Variants in USP47 observed in about 807,000 individuals in gnomAD.
USP47 encodes the protein ubiquitin carboxyl-terminal hydrolase 47.
In USP47, 35 loss-of-function variants were observed where a neutral mutation model predicts 165.1. That is an observed-to-expected ratio of 0.21 (90% CI 0.16 to 0.28). The LOEUF (loss-of-function observed/expected upper bound fraction) is 0.28, where lower values mean the gene tolerates loss of function less well. USP47 is among the 10% of genes least tolerant of loss of function. USP47 has a pLI of 1.00. For synonymous variants in USP47, 531 were observed against 544.5 expected (o/e 0.98, Z 0.35); for missense variants, 1,277 against 1,607.4 (o/e 0.79, Z 3.52).
chr11:11,925,400 G>T lies in USP47; in HGVS notation c.1386+2509G>T, dbSNP rs192122694. On this transcript the variant is annotated intron_variant, in intron 11 of 27. Coordinates refer to ENST00000527733, the MANE Select transcript of USP47 (RefSeq NM_001282659.2). Reference sequence around the variant, plus strand: ...TTACAGGCGTGAGCCACCGCACCCGGCCTCCTTAATGTTTTATGGTTTTTC... The same window carrying T: ...TTACAGGCGTGAGCCACCGCACCCGTCCTCCTTAATGTTTTATGGTTTTTC... Among the ~76,000 whole-genome samples the T allele has an allele frequency of 1.8e-4, 28 of 152,172 alleles. No individual in the cohort carries two copies. The East Asian group carries it at 5.0e-3, about 27-fold the overall frequency.
At chr11:11,923,275 CTA>C (rs1853995380) in intron 11 of USP47, among the ~76,000 whole-genome samples, 1 of 151,350 alleles carries the variant, frequency 6.6e-6, no homozygotes, top group African/African-American at 2.4e-5. Flanking sequence ...CTGAGTTTTC[CTA>C]TATAGAAAAG....
intron 17 of USP47, among the ~76,000 whole-genome samples, chr11:11,936,748 G>A (rs533930213): frequency 1.9e-4 from 29 of 151,838 alleles, no homozygotes; most frequent in African/African-American, 4.4e-4. Flanking sequence ...TCTAGCTTAC[G>A]GTCTTCAGTG....
At chr11:11,869,729 G>C (rs1311247215) in intron 1 of USP47, among the ~76,000 whole-genome samples, 1 of 152,152 alleles carries the variant, frequency 6.6e-6, no homozygotes, top group Non-Finnish European at 1.5e-5. Context: ...TTTCTATTAT[G>C]ATAGTATTAA....
At chr11:11,917,485 T>C (rs976985384) in intron 8 of USP47, among the ~76,000 whole-genome samples, 2 of 152,116 alleles carry the variant, frequency 1.3e-5, no homozygotes, top group African/African-American at 4.8e-5. Context: ...CAGAGTAGTA[T>C]GTAATGTTAC....
chr11:11,940,704 G>A (rs1205097835), intron 19 of USP47, among the ~76,000 whole-genome samples, 156 bp downstream of exon 19: 2 of 151,910 alleles, frequency 1.3e-5, no homozygotes, highest in Admixed American at 1.3e-4. Context: ...TTGTAGTCAG[G>A]TCAGGTCAGG....
At chr11:11,937,744 T>G (rs1227113385) in intron 17 of USP47, among the ~76,000 whole-genome samples, 1 of 151,846 alleles carries the variant, frequency 6.6e-6, no homozygotes, top group Non-Finnish European at 1.5e-5. Flanking sequence ...TTTGTCAAAT[T>G]TAGATTAACA....
intron 2 of USP47, among the ~76,000 whole-genome samples, chr11:11,881,443 G>A (rs1297151613): frequency 6.6e-6 from 1 of 152,088 alleles, no homozygotes; most frequent in Non-Finnish European, 1.5e-5. Context: ...CTCACTTTTA[G>A]CTGTTTCCTG....
intron 8 of USP47, among the ~76,000 whole-genome samples, chr11:11,919,685 T>A (rs886134707): frequency 1.3e-5 from 2 of 151,956 alleles, no homozygotes; most frequent in Admixed American, 1.3e-4. Context: ...ATCCTAACTA[T>A]GGCGATTAAG....
At chr11:11,845,459 T>C (rs1173469362) in intron 1 of USP47, among the ~76,000 whole-genome samples, 4 of 152,176 alleles carry the variant, frequency 2.6e-5, no homozygotes, top group Non-Finnish European at 4.4e-5. Flanking sequence ...TATATAGGAA[T>C]AGAATTCATT....
intron 1 of USP47, among the ~76,000 whole-genome samples, chr11:11,866,679 A>C (rs1382979810): frequency 6.6e-6 from 1 of 152,074 alleles, no homozygotes; most frequent in Admixed American, 6.5e-5. Flanking sequence ...ATGATAATCT[A>C]TTGGTGACAG....
chr11:11,925,431 A>G (rs948710006), intron 11 of USP47, among the ~76,000 whole-genome samples: 5 of 152,080 alleles, frequency 3.3e-5, no homozygotes, highest in Non-Finnish European at 5.9e-5. Flanking sequence ...TTTTCACTGT[A>G]TGAGTCTTCT....
chr11:11,843,644 T>G (rs200271160), intron 1 of USP47, among the ~76,000 whole-genome samples: 1 of 152,342 alleles, frequency 6.6e-6, no homozygotes, highest in East Asian at 1.9e-4. Context: ...AAAAACAAAA[T>G]TCTTTCTTAA....
At chr11:11,932,093 A>G (rs527786000) in intron 14 of USP47, among the ~76,000 whole-genome samples, 2 of 152,278 alleles carry the variant, frequency 1.3e-5, no homozygotes, top group East Asian at 3.9e-4. Flanking sequence ...CCAGCTTCTG[A>G]TGAAGCCTCA....
intron 1 of USP47, among the ~76,000 whole-genome samples, chr11:11,859,879 G>A (rs1849275345): frequency 1.3e-5 from 2 of 151,970 alleles, no homozygotes; most frequent in Admixed American, 1.3e-4. Flanking sequence ...CGAGGCAGGC[G>A]AATCATTTGA....
rs71037046 is a variant in USP47 at position 11,871,501 on chromosome 11, C to CAAAAAAAAAA, written c.40-8648_40-8639dup. Among the ~76,000 whole-genome samples, 69 of 63,156 alleles carry CAAAAAAAAAA rather than the reference C, an allele frequency of 1.1e-3. 6 individuals carry two copies. The highest frequency in any genetic ancestry group is 1.7e-3 in the Non-Finnish European group (52 of 29,782). 41.4% of individuals were successfully genotyped at this position (63,156 alleles called of 152,430 possible). On this transcript the variant is annotated intron_variant, in intron 1 of 27. Coordinates refer to ENST00000527733, the MANE Select transcript of USP47 (RefSeq NM_001282659.2). ...CTGGCAACAGAGCGAAACTCCCTCT[C>CAAAAAAAAAA]AAAAAAAAAAAAAAAAAAAAAAAAA...
At chr11:11,928,937 T>A (rs1481596926) in intron 11 of USP47, among the ~76,000 whole-genome samples, 1 of 152,046 alleles carries the variant, frequency 6.6e-6, no homozygotes, top group Non-Finnish European at 1.5e-5. Context: ...GGATTCATTC[T>A]TAATATGAGA....
chr11:11,933,015 G>A lies in USP47; in HGVS notation c.1663G>A (p.Val555Met). The A allele has an allele frequency of 6.2e-7, 1 of 1,612,166 alleles. No individual in the cohort carries two copies. Among genetic ancestry groups the A allele is most frequent in the Non-Finnish European group, 8.5e-7 (1 of 1,179,108 alleles). Reference protein sequence around the residue: ...DPARNAKFLEVDEYPEHIKNL... With the variant: ...DPARNAKFLEMDEYPEHIKNL... ...TTTATTACTAATAGAATTTCTAGAA[G>A]TGGATGAATACCCAGAACATATTAA... The change falls in exon 15 of 28, where the codon GTG becomes ATG. Residue 555 changes from valine (V) to methionine (M), a missense_variant. Physicochemically the swap from Val to Met is conservative, Grantham distance 21. Around this residue, in one of 4 missense-constraint regions of USP47, gnomAD observed 909 missense variants for 1,068.1 expected, o/e 0.85. Coordinates refer to ENST00000527733, the MANE Select transcript of USP47 (RefSeq NM_001282659.2).
rs1360426523 is a variant in USP47, at chr11:11,905,503, A to G, written c.924A>G (p.Pro308=). The G allele has an allele frequency of 6.2e-7, 1 of 1,609,550 alleles. No individual in the cohort carries two copies. The highest frequency in any genetic ancestry group is 1.1e-5 in the South Asian group (1 of 90,626). Reference sequence around the variant, plus strand: ...GAATCGACACATATCTTGATATTCCATTGGTCATCCGACCTTATGGGTCCA... The same window carrying G: ...GAATCGACACATATCTTGATATTCCGTTGGTCATCCGACCTTATGGGTCCA... The part of the protein sequence containing the change: ...GWRIDTYLDI[P]LVIRPYGSSQ... Residue 308 remains proline (P), a synonymous_variant, in exon 8 of 28, where the codon CCA becomes CCG. Transcript: ENST00000527733.
chr11:11,927,251 G>A (rs754896625), intron 11 of USP47, among the ~76,000 whole-genome samples: 31 of 151,974 alleles, frequency 2.0e-4, no homozygotes, highest in Non-Finnish European at 3.8e-4. Context: ...GTTTTGTTCA[G>A]TTTGAACATG....
Sources: allele counts gnomAD v4.1 joint callset (sites outside exome capture counted in the v4.1 genomes callset), GRCh38; gene constraint gnomAD v4.1.1; regional missense constraint gnomAD v4.1.1; transcripts MANE v1.5; gene names NCBI Gene and HGNC (gene_info 2026-07-23, HGNC 2026-07-21).